NAA60: variants seen among roughly 807,000 people sequenced by gnomAD.
NAA60 encodes N-alpha-acetyltransferase 60.
A neutral mutation model predicts 26.1 loss-of-function variants in NAA60; 8 were observed. That is an observed-to-expected ratio of 0.31 (90% CI 0.18 to 0.55). NAA60 has a LOEUF of 0.55. Ranked by LOEUF, NAA60 falls within the 20% of genes least tolerant of loss-of-function variation. NAA60 has a pLI of 0.93. For missense variants in NAA60, 290 were observed against 311.3 expected (o/e 0.93, Z 0.51); for synonymous variants, 131 against 122.5 (o/e 1.07, Z -0.46).
chr16:3,456,005 C>A (rs970818647), intron 2 of NAA60, among the ~76,000 whole-genome samples: 1 of 151,788 alleles, frequency 6.6e-6, no homozygotes, highest in African/African-American at 2.4e-5. Flanking sequence ...GCGCCCTGCC[C>A]AAAAAAAGAG....
At chr16:3,459,394 A>G (rs1217628954) in intron 2 of NAA60, among the ~76,000 whole-genome samples, 2 of 152,234 alleles carry the variant, frequency 1.3e-5, no homozygotes, top group Non-Finnish European at 2.9e-5. Flanking sequence ...CATCTGGGGC[A>G]AAAACAAATA....
At chr16:3,473,775 C>T (rs1284317975) in intron 2 of NAA60, among the ~76,000 whole-genome samples, 1 of 151,944 alleles carries the variant, frequency 6.6e-6, no homozygotes. Flanking sequence ...TGCACTGTTG[C>T]CCAGCCTGGA....
At chr16:3,467,206 G>T (rs1006441804) in intron 2 of NAA60, among the ~76,000 whole-genome samples, 3 of 152,156 alleles carry the variant, frequency 2.0e-5, no homozygotes, top group Non-Finnish European at 4.4e-5. Flanking sequence ...TTCAGGCCAC[G>T]GCTGAGAAGC....
intron 4 of NAA60, among the ~76,000 whole-genome samples, chr16:3,480,596 TAAAA>T (rs199584965): frequency 7.7e-5 from 10 of 130,014 alleles, no homozygotes; most frequent in East Asian, 2.2e-4. Context: ...AGACTTCGTC[TAAAA>T]AAAAAAAAAA....
At chr16:3,453,154 T>C (rs762205760) in intron 2 of NAA60, among the ~76,000 whole-genome samples, 4 of 151,998 alleles carry the variant, frequency 2.6e-5, no homozygotes, top group Non-Finnish European at 5.9e-5. Flanking sequence ...CCTAGCACTT[T>C]GGGAGGCTGA....
intron 2 of NAA60, chr16:3,449,958 C>CT (rs538513349): frequency 4.1e-4 from 164 of 397,396 alleles, no homozygotes; most frequent in Admixed American, 1.7e-3. Context: ...CATTAAACCT[C>CT]TTTTTTTTGT....
chr16:3,467,127 T>TG (rs1442844155), intron 2 of NAA60, among the ~76,000 whole-genome samples: 1 of 150,902 alleles, frequency 6.6e-6, no homozygotes, highest in Non-Finnish European at 1.5e-5. Context: ...GACCAGGGGT[T>TG]GGGGGGCGGC....
intron 2 of NAA60, 174 bp downstream of exon 2, chr16:3,448,714 G>T (rs1254645956): frequency 3.0e-5 from 17 of 573,210 alleles, no homozygotes; most frequent in Middle Eastern, 4.3e-4. Context: ...TGCTAGGAGG[G>T]TAAATGAGTA....
chr16:3,458,597 C>G (rs2035156546), intron 2 of NAA60, among the ~76,000 whole-genome samples: 2 of 152,278 alleles, frequency 1.3e-5, no homozygotes, highest in African/African-American at 2.4e-5. Flanking sequence ...CCGCCTTCGC[C>G]CCGCTCTCGC....
intron 2 of NAA60, among the ~76,000 whole-genome samples, chr16:3,455,693 C>T (rs1425846184): frequency 6.6e-6 from 1 of 151,478 alleles, no homozygotes; most frequent in Non-Finnish European, 1.5e-5. Context: ...CTGCACCCGG[C>T]CCAAGTTTTG....
intron 2 of NAA60, among the ~76,000 whole-genome samples, chr16:3,459,866 T>G (rs1287679975): frequency 6.6e-6 from 1 of 152,132 alleles, no homozygotes; most frequent in African/African-American, 2.4e-5. Flanking sequence ...GAGAGTATCT[T>G]TAGATGTGAC....
At chr16:3,450,030 C>CA (rs767110915) in intron 2 of NAA60, 433 of 361,082 alleles carry the variant, frequency 1.2e-3, no homozygotes, top group Non-Finnish European at 1.8e-3. Flanking sequence ...TACATCGTCT[C>CA]AAAAAAAGAG....
Position 3,485,952 on chromosome 16 carries a change from CCTGG to C in NAA60, c.*693_*696del. The C allele has an allele frequency of 6.6e-6, 2 of 302,340 alleles. No individual in the cohort carries two copies. Among genetic ancestry groups the C allele is most frequent in the Non-Finnish European group, 1.3e-5 (2 of 152,790 alleles). The allele number at this position is 302,340 out of a possible 1,614,324, so 18.7% of individuals were successfully genotyped here. A position where few individuals can be genotyped will look rare whatever the true frequency, so the allele number is the denominator to read the frequency against. On this transcript the variant is annotated 3_prime_UTR_variant, in exon 8 of 8. Coordinates refer to ENST00000407558, the MANE Select transcript of NAA60 (RefSeq NM_001083601.3). ...GCACCTTCCGTGCAGTTACCAGTGC[CCTGG>C]GAGGTCACACTGCCCGTCGGACCTT...
intron 1 of NAA60, 147 bp downstream of exon 1, chr16:3,443,984 G>A (rs2034447097): frequency 7.4e-7 from 1 of 1,348,010 alleles, no homozygotes; most frequent in East Asian, 2.8e-5. Context: ...ACATGAAGGA[G>A]TATCTTTGTG....
At chr16:3,477,895 C>T (rs999973592) in intron 3 of NAA60, among the ~76,000 whole-genome samples, 24 of 152,200 alleles carry the variant, frequency 1.6e-4, no homozygotes, top group Non-Finnish European at 2.8e-4. Context: ...GAAACCCCGT[C>T]TCTACTAAAA....
chr16:3,447,779 A>G (rs138386874), intron 1 of NAA60, among the ~76,000 whole-genome samples: 1 of 152,202 alleles, frequency 6.6e-6, no homozygotes, highest in East Asian at 1.9e-4. Flanking sequence ...AGGCTCACAC[A>G]GTTTTGAAAT....
At chr16:3,452,141 A>G (rs2034810892) in intron 2 of NAA60, among the ~76,000 whole-genome samples, 1 of 152,110 alleles carries the variant, frequency 6.6e-6, no homozygotes, top group African/African-American at 2.4e-5. Flanking sequence ...TGAGACCAGG[A>G]GGTTGACGCT....
At chr16:3,482,746 T>C in intron 5 of NAA60, 148 bp downstream of exon 5, 1 of 661,706 alleles carries the variant, frequency 1.5e-6, no homozygotes, top group Non-Finnish European at 2.7e-6. Context: ...CTCGTTCCCG[T>C]CTTGGGCCAG....
intron 2 of NAA60, among the ~76,000 whole-genome samples, chr16:3,452,467 C>T (rs2034822184): frequency 6.6e-6 from 1 of 151,874 alleles, no homozygotes; most frequent in Admixed American, 6.6e-5. Flanking sequence ...CCAGCCTGGG[C>T]AACATGGCGA....
Sources: gnomAD v4.1 joint callset for allele counts (sites outside exome capture counted in the v4.1 genomes callset) on GRCh38, gnomAD v4.1.1 for gene constraint, MANE v1.5 for transcripts, NCBI Gene and HGNC (gene_info 2026-07-23, HGNC 2026-07-21) for gene names.